The following MYO5C variants were observed in gnomAD, a reference collection of about 807,000 sequenced individuals.
MYO5C encodes myosin VC.
MYO5C carries 194 observed loss-of-function variants against 235.7 expected under a neutral mutation model. The observed-to-expected ratio is 0.82, with a 90% CI of 0.73 to 0.93. The LOEUF (loss-of-function observed/expected upper bound fraction) is 0.93, where lower values mean the gene tolerates loss of function less well. Among genes scored for constraint, MYO5C ranks in the 40% least tolerant of loss-of-function variants. The pLI is 0.00. For synonymous variants in MYO5C, 707 were observed against 754.8 expected, an observed-to-expected ratio of 0.94 and a Z score of 1.04; for missense variants, 2,038 against 2,127.2, an observed-to-expected ratio of 0.96 and a Z score of 0.82.
rs972086799 is a variant in MYO5C at position 52,194,168 on chromosome 15, T to C, written c.5077-114A>G. ...CTCTAGTGGAGAGCTCCTTGCACCA[T>C]CACATGAAATGACATACATGAGAAC... On this transcript the variant is annotated intron_variant, in intron 40 of 40. Transcript: ENST00000261839. The C allele has an allele frequency of 7.4e-6, 7 of 945,534 alleles. No individual in the cohort carries two copies. In the African/African-American group the frequency reaches 1.2e-4, roughly 16 times the overall value. 58.6% of individuals were successfully genotyped at this position (945,534 alleles called of 1,614,324 possible).
rs542149443 is a variant in MYO5C, at chr15:52,219,790, G to A, written c.3754C>T (p.Arg1252Cys). 21 of 1,612,342 alleles carry A rather than the reference G, an allele frequency of 1.3e-5. No individual in the cohort carries two copies. Among genetic ancestry groups the A allele is most frequent in the South Asian group, 9.9e-5 (9 of 90,776 alleles). Residue 1252 changes from arginine to cysteine, a missense_variant, in exon 31 of 41, where the codon CGC becomes TGC. By Grantham distance (180) the Arg-to-Cys change is radical. Transcript: ENST00000261839. ...TGTGTTCCTTCCTCCTCTTGACTGC[G>A]ATGTAACTGATTAGACAATTCTTCT... ...KLEELSNQLH[R>C]SQEEEGTQRK...
chr15:52,253,519 AG>A, intron 11 of MYO5C, 62 bp from the exon 12 acceptor site: 1 of 1,466,294 alleles, frequency 6.8e-7, no homozygotes, highest in South Asian at 1.2e-5. Flanking sequence ...TCCAAAGAGC[AG>A]GATGTAAGCA....
intron 25 of MYO5C, 143 bp from the exon 26 acceptor site, chr15:52,225,675 A>G: frequency 1.6e-6 from 1 of 639,906 alleles, no homozygotes; most frequent in South Asian, 1.7e-5. Context: ...ATCTTGTTAA[A>G]CCATCACTGC....
At chr15:52,197,936 T>G (rs1243084613) in intron 38 of MYO5C, among the ~76,000 whole-genome samples, 1 of 152,062 alleles carries the variant, frequency 6.6e-6, no homozygotes, top group Non-Finnish European at 1.5e-5. Flanking sequence ...GTGCCTGGCC[T>G]GAACTATATA....
Position 52,237,625 on chromosome 15 carries a change from C to T in MYO5C, c.2725G>A (p.Val909Met), listed in dbSNP as rs372951367. Reference protein sequence around the residue: ...EDQNKENHGLVEKLTSLAALR... With the variant: ...EDQNKENHGLMEKLTSLAALR... ...GCAGCCAGGCTAGTCAGCTTCTCCACCAGCCCATGGTTTTCTTTGTTCTAG... is the reference window on the plus strand; with the variant it reads ...GCAGCCAGGCTAGTCAGCTTCTCCATCAGCCCATGGTTTTCTTTGTTCTAG... The change falls in exon 22 of 41, where the codon GTG (valine) becomes ATG (methionine). Residue 909 changes from valine (V) to methionine (M), a missense_variant. Coordinates refer to ENST00000261839, the MANE Select transcript of MYO5C (RefSeq NM_018728.4). The T allele has an allele frequency of 6.2e-7, 1 of 1,613,248 alleles. No individual in the cohort carries two copies.
At position 52,195,962 on chromosome 15, in the gene MYO5C, CTT is replaced by C. The variant is rs71130140; in HGVS notation, c.4995+345_4995+346del. On this transcript the variant is annotated intron_variant, in intron 39 of 40. Coordinates refer to ENST00000261839, the MANE Select transcript of MYO5C (RefSeq NM_018728.4). ...CAAAGGTGTGTGCCATCACACCCAG[CTT>C]TTTTTTTTTTTTTTTTTTTTTTTTT... Among the ~76,000 whole-genome samples the C allele has an allele frequency of 7.1e-3, 573 of 80,830 alleles. 13 individuals carry two copies. Among genetic ancestry groups the C allele is most frequent in the East Asian group, 0.033 (49 of 1,486 alleles). 53.0% of individuals were successfully genotyped at this position (80,830 alleles called of 152,430 possible). A position where few individuals can be genotyped will look rare whatever the true frequency, so the allele number is the denominator to read the frequency against.
At chr15:52,282,628 C>G (rs918316422) in intron 2 of MYO5C, among the ~76,000 whole-genome samples, 154 bp downstream of exon 2, 1 of 152,224 alleles carries the variant, frequency 6.6e-6, no homozygotes, top group African/African-American at 2.4e-5. Context: ...ATCAGTGAGT[C>G]CCGGCACCAG....
intron 1 of MYO5C, among the ~76,000 whole-genome samples, chr15:52,290,868 A>T (rs191034174): frequency 1.5e-5 from 2 of 134,950 alleles, no homozygotes; most frequent in East Asian, 2.2e-4. Context: ...GTATTTAGGT[A>T]AAAAAAATCA....
At chr15:52,219,617 C>T (rs77472995) in intron 31 of MYO5C, 142 bp downstream of exon 31, 4 of 645,112 alleles carry the variant, frequency 6.2e-6, no homozygotes, top group Non-Finnish European at 1.1e-5. Flanking sequence ...TATTTCTTTC[C>T]TTCCCATCAG....
intron 18 of MYO5C, 85 bp from the exon 19 acceptor site, chr15:52,244,652 A>C (rs541621347): frequency 6.5e-5 from 59 of 905,274 alleles, no homozygotes; most frequent in Middle Eastern, 3.4e-4. Flanking sequence ...TTAGGGATTC[A>C]AAGGTGCCAG....
intron 22 of MYO5C, 135 bp downstream of exon 22, chr15:52,237,347 C>T: frequency 2.8e-6 from 3 of 1,073,946 alleles, no homozygotes; most frequent in South Asian, 3.3e-5. Flanking sequence ...AGGTAGGCTC[C>T]CTTTGGTAAT....
At chr15:52,248,933 G>A (rs1041030115) in intron 13 of MYO5C, 150 bp from the exon 14 acceptor site, 11 of 622,158 alleles carry the variant, frequency 1.8e-5, no homozygotes, top group Middle Eastern at 3.0e-4. Flanking sequence ...CATCATGGCA[G>A]CAGCCCCATT....
chr15:52,282,632 G>A, intron 2 of MYO5C, 150 bp downstream of exon 2: 1 of 640,672 alleles, frequency 1.6e-6, no homozygotes, highest in African/African-American at 1.8e-5. Context: ...GTGAGTCCCG[G>A]CACCAGGAGG....
intron 13 of MYO5C, chr15:52,251,016 A>T (rs1461668633): frequency 6.4e-6 from 1 of 155,774 alleles, no homozygotes; most frequent in African/African-American, 2.4e-5. Context: ...TTGCCACTGT[A>T]ATATAGTCCA....
intron 32 of MYO5C, among the ~76,000 whole-genome samples, chr15:52,216,221 G>T (rs1311410381): frequency 6.6e-6 from 1 of 152,114 alleles, no homozygotes; most frequent in African/African-American, 2.4e-5. Flanking sequence ...ATTATTAGTA[G>T]TAGTATTTTT....
At chr15:52,269,251 T>C (rs2036870135) in intron 8 of MYO5C, among the ~76,000 whole-genome samples, 1 of 152,208 alleles carries the variant, frequency 6.6e-6, no homozygotes, top group East Asian at 1.9e-4. Context: ...AAAAACAAAT[T>C]AATTTCTAGC....
chr15:52,261,769 T>A (rs2036702055), intron 9 of MYO5C, among the ~76,000 whole-genome samples: 1 of 152,164 alleles, frequency 6.6e-6, no homozygotes, highest in African/African-American at 2.4e-5. Context: ...GAAGAGGTGC[T>A]CCCATTTCCC....
rs1274809812 is a variant in MYO5C at position 52,226,993 on chromosome 15, C to CA, written c.3208-1462dup. On this transcript the variant is annotated intron_variant, in intron 25 of 40. Coordinates refer to ENST00000261839, the MANE Select transcript of MYO5C (RefSeq NM_018728.4). ...TGAAACCCTGTCTCTACTAAAAATACAAAAAAAAATTAGCCAGGTGTGGTG... is the reference window on the plus strand; with the variant it reads ...TGAAACCCTGTCTCTACTAAAAATACAAAAAAAAAATTAGCCAGGTGTGGTG... Among the ~76,000 whole-genome samples, 52 of 150,016 alleles carry CA rather than the reference C, an allele frequency of 3.5e-4. 1 individual carries two copies. In the East Asian group the frequency reaches 9.2e-3, roughly 26 times the overall value.
intron 35 of MYO5C, 98 bp from the exon 36 acceptor site, chr15:52,208,741 T>A (rs1230807119): frequency 2.0e-6 from 2 of 1,011,234 alleles, no homozygotes; most frequent in African/African-American, 3.2e-5. Context: ...CCAAAATTAG[T>A]TTTTCTTTTA....
Sources: allele counts gnomAD v4.1 joint callset (sites outside exome capture counted in the v4.1 genomes callset), GRCh38; gene constraint gnomAD v4.1.1; transcripts MANE v1.5; gene names NCBI Gene and HGNC (gene_info 2026-07-23, HGNC 2026-07-21).